Variants in NR3C2 observed in about 807,000 individuals in gnomAD.
The protein encoded by NR3C2 is mineralocorticoid receptor.
A neutral mutation model predicts 86.4 loss-of-function variants in NR3C2; 15 were observed. The ratio of observed to expected loss-of-function variants is 0.17; its 90% CI spans 0.12 to 0.27. The LOEUF is 0.27. Ranked by LOEUF, NR3C2 falls within the 10% of genes least tolerant of loss-of-function variation. The pLI is 1.00. For missense variants in NR3C2, 960 were observed against 1,195.6 expected, an observed-to-expected ratio of 0.80 and a Z score of 2.91; for synonymous variants, 458 against 450.5, an observed-to-expected ratio of 1.02 and a Z score of -0.21.
chr4:148,157,194 T>C (rs68169443), intron 4 of NR3C2, among the ~76,000 whole-genome samples: 55,032 of 142,548 alleles, frequency 0.39, 10,882 homozygotes, highest in East Asian at 0.5. Context: ...TTAGGAGATA[T>C]ACCTAATGCT....
intron 4 of NR3C2, among the ~76,000 whole-genome samples, chr4:148,166,560 C>A (rs2149780173): frequency 6.6e-6 from 1 of 152,236 alleles, no homozygotes; most frequent in East Asian, 1.9e-4. Context: ...AATGTGCTTC[C>A]CATTTTAGTT....
intron 2 of NR3C2, among the ~76,000 whole-genome samples, chr4:148,321,416 C>T (rs1381604035): frequency 6.6e-6 from 1 of 151,328 alleles, no homozygotes; most frequent in African/African-American, 2.4e-5. Flanking sequence ...GAGCTGAGTT[C>T]AATTCCTGGG....
chr4:148,406,259 GTAA>G (rs1748419566), intron 2 of NR3C2, among the ~76,000 whole-genome samples: 1 of 152,090 alleles, frequency 6.6e-6, no homozygotes, highest in African/African-American at 2.4e-5. Flanking sequence ...AGTTAAACAA[GTAA>G]TAATAAAATA....
At chr4:148,319,541 CTT>C (rs1002693132) in intron 2 of NR3C2, among the ~76,000 whole-genome samples, 137 of 149,398 alleles carry the variant, frequency 9.2e-4, no homozygotes, top group African/African-American at 3.2e-3. Flanking sequence ...TTTGTATCCT[CTT>C]TTATTTCCTT....
Position 148,108,250 on chromosome 4 carries a change from C to T in NR3C2, c.2799+5854G>A, listed in dbSNP as rs759089486. ...TCCCAAGTAGCTGGTACTACAGGCA[C>T]GCATCACCACACCCGGCTAATTTTG... On this transcript the variant is annotated intron_variant, in intron 8 of 8. Transcript: ENST00000358102. 4.6e-5 allele frequency among the ~76,000 whole-genome samples: 7 copies of T among 152,134 alleles called. No individual in the cohort carries two copies. In the South Asian group the frequency reaches 6.2e-4, roughly 14 times the overall value.
chr4:148,354,271 T>G (rs561389629), intron 2 of NR3C2, among the ~76,000 whole-genome samples: 1 of 152,282 alleles, frequency 6.6e-6, no homozygotes, highest in African/African-American at 2.4e-5. Flanking sequence ...CTTCTCTAGC[T>G]TACCTTACTA....
chr4:148,245,888 T>C (rs1053999229), intron 3 of NR3C2, among the ~76,000 whole-genome samples: 1 of 152,248 alleles, frequency 6.6e-6, no homozygotes, highest in Non-Finnish European at 1.5e-5. Context: ...CAGAACTATT[T>C]TACTATAAGA....
chr4:148,240,861 T>C (rs1738992294), intron 3 of NR3C2, among the ~76,000 whole-genome samples: 1 of 152,156 alleles, frequency 6.6e-6, no homozygotes, highest in East Asian at 1.9e-4. Context: ...TGGTGGAAAA[T>C]GCAGAGCTGC....
chr4:148,209,098 G>C (rs1737151985), intron 3 of NR3C2, among the ~76,000 whole-genome samples: 1 of 152,026 alleles, frequency 6.6e-6, no homozygotes, highest in African/African-American at 2.4e-5. Flanking sequence ...ACAAAAATTA[G>C]CTGGGTGTGG....
At chr4:148,106,871 A>G (rs1731822038) in intron 8 of NR3C2, among the ~76,000 whole-genome samples, 1 of 152,362 alleles carries the variant, frequency 6.6e-6, no homozygotes, top group Middle Eastern at 3.4e-3. Context: ...AAGATGGATT[A>G]AAGACTTAAA....
chr4:148,096,029 C>G (rs1198155869), intron 8 of NR3C2, among the ~76,000 whole-genome samples: 1 of 152,142 alleles, frequency 6.6e-6, no homozygotes. Flanking sequence ...GCAAGATGGG[C>G]TCAATTTACT....
At chr4:148,267,184 A>G (rs1740439412) in intron 2 of NR3C2, among the ~76,000 whole-genome samples, 1 of 152,218 alleles carries the variant, frequency 6.6e-6, no homozygotes, top group Non-Finnish European at 1.5e-5. Flanking sequence ...ACGACTCAGT[A>G]TATTCAAGAA....
chr4:148,194,890 T>G (rs1381252236), intron 3 of NR3C2, 28 bp from the exon 4 acceptor site: 2 of 1,443,166 alleles, frequency 1.4e-6, no homozygotes, highest in South Asian at 2.3e-5. Flanking sequence ...AAATAACTGT[T>G]AAAATAGAGT....
intron 2 of NR3C2, among the ~76,000 whole-genome samples, chr4:148,396,275 G>A (rs1044388963): frequency 6.6e-6 from 1 of 152,072 alleles, no homozygotes; most frequent in African/African-American, 2.4e-5. Flanking sequence ...TATATAAACA[G>A]ACTAAAAATT....
chr4:148,153,667 C>T (rs1734209503), intron 5 of NR3C2, among the ~76,000 whole-genome samples: 1 of 152,088 alleles, frequency 6.6e-6, no homozygotes, highest in South Asian at 2.1e-4. Context: ...AATGTAATGG[C>T]AATTTCTAAG....
chr4:148,277,905 C>CA (rs997047103), intron 2 of NR3C2, among the ~76,000 whole-genome samples: 2 of 152,114 alleles, frequency 1.3e-5, no homozygotes, highest in African/African-American at 4.8e-5. Flanking sequence ...TATAGGGCCT[C>CA]AGGAAAAGAA....
chr4:148,345,593 C>T (rs1267035418), intron 2 of NR3C2, among the ~76,000 whole-genome samples: 1 of 151,722 alleles, frequency 6.6e-6, no homozygotes, highest in Non-Finnish European at 1.5e-5. Flanking sequence ...AATGAAACAG[C>T]TTTTTAATAA....
rs372454781 is a variant in NR3C2, at chr4:148,436,436, T to G, written c.425A>C (p.Lys142Thr). 1 of 1,614,056 alleles carries G rather than the reference T, an allele frequency of 6.2e-7. No homozygotes were observed. Among genetic ancestry groups the G allele is most frequent in the Non-Finnish European group, 8.5e-7 (1 of 1,180,034 alleles). Residue 142 changes from lysine to threonine, a missense_variant, in exon 2 of 9, where the codon AAA (lysine) becomes ACA (threonine). Coordinates refer to ENST00000358102, the MANE Select transcript of NR3C2 (RefSeq NM_000901.5). ...ACGATGGCCATTTCCTTTGTAAAAT[T>G]TCACCAGCTGTTCAACATTCTGATA... ...KIYQNVEQLV[K>T]FYKGNGHRPS...
intron 2 of NR3C2, among the ~76,000 whole-genome samples, chr4:148,261,648 G>A (rs1364621519): frequency 6.6e-6 from 1 of 152,190 alleles, no homozygotes; most frequent in East Asian, 1.9e-4. Flanking sequence ...GAGCTGGATG[G>A]GCTCAGAAAA....
Sources: allele counts gnomAD v4.1 joint callset (sites outside exome capture counted in the v4.1 genomes callset), GRCh38; gene constraint gnomAD v4.1.1; transcripts MANE v1.5; gene names NCBI Gene and HGNC (gene_info 2026-07-23, HGNC 2026-07-21).